Variants in EHBP1 observed in about 807,000 individuals in gnomAD.
EHBP1 encodes the protein EH domain binding protein 1, also known as EH domain-binding protein 1.
EHBP1 carries 55 observed loss-of-function variants against 144.0 expected under a neutral mutation model. That is an observed-to-expected ratio of 0.38 (90% CI 0.31 to 0.48). The LOEUF is 0.48. EHBP1 is among the 20% of genes least tolerant of loss of function. The pLI, the probability that EHBP1 is intolerant of heterozygous loss-of-function variation, is 0.98. For synonymous variants in EHBP1, 469 were observed against 472.7 expected (o/e 0.99, Z 0.10); for missense variants, 1,200 against 1,364.2 (o/e 0.88, Z 1.90).
chr2:62,945,931 CTG>C (rs1489664352), intron 12 of EHBP1, among the ~76,000 whole-genome samples: 1 of 152,154 alleles, frequency 6.6e-6, no homozygotes, highest in Non-Finnish European at 1.5e-5. Context: ...ACAAAGTAAA[CTG>C]TTCTCATGAA....
chr2:62,890,715 T>C (rs77450264), intron 10 of EHBP1, among the ~76,000 whole-genome samples: 6,087 of 152,290 alleles, frequency 0.04, 182 homozygotes, highest in Middle Eastern at 0.12. Flanking sequence ...CTCTCTCACA[T>C]AGTATTTGAA....
intron 5 of EHBP1, among the ~76,000 whole-genome samples, chr2:62,789,072 T>C (rs1009489696): frequency 6.6e-5 from 10 of 152,202 alleles, no homozygotes; most frequent in Non-Finnish European, 1.3e-4. Flanking sequence ...GTCACACCTA[T>C]GGAGACTAGA....
At position 62,937,304 on chromosome 2, in the gene EHBP1, C is replaced by G. The variant is rs187121940; in HGVS notation, c.1186-5414C>G. Among the ~76,000 whole-genome samples the G allele has an allele frequency of 7.2e-5, 11 of 152,304 alleles. No homozygotes were observed. In the East Asian group the frequency reaches 1.9e-3, roughly 27 times the overall value. ...GGAATTCCTTGGTATAGGAACTCCT[C>G]TGCTTCCTGAGTAACCTCACTTTCT... On this transcript the variant is annotated intron_variant, in intron 10 of 22. Coordinates refer to ENST00000431489, the MANE Select transcript of EHBP1 (RefSeq NM_001142616.3).
intron 2 of EHBP1, among the ~76,000 whole-genome samples, chr2:62,715,422 G>A (rs140179874): frequency 5.8e-3 from 876 of 151,290 alleles, no homozygotes; most frequent in Admixed American, 9.8e-3. Flanking sequence ...CCGAGTCACC[G>A]TGCCAAGCCA....
At chr2:62,684,991 GA>G (rs1295410408) in intron 1 of EHBP1, among the ~76,000 whole-genome samples, 1 of 152,206 alleles carries the variant, frequency 6.6e-6, no homozygotes, top group Non-Finnish European at 1.5e-5. Flanking sequence ...GCAGAGAGCA[GA>G]ACAGTGGTTA....
At chr2:62,938,086 A>G (rs2056503155) in intron 10 of EHBP1, among the ~76,000 whole-genome samples, 1 of 152,234 alleles carries the variant, frequency 6.6e-6, no homozygotes, top group East Asian at 1.9e-4. Flanking sequence ...TGATTCTGAC[A>G]TTAAAAATCT....
chr2:62,826,524 T>G (rs1381900331), intron 6 of EHBP1: 1 of 283,286 alleles, frequency 3.5e-6, no homozygotes, highest in Non-Finnish European at 6.5e-6. Context: ...ATATTATAAG[T>G]GTTTTATATT....
At chr2:62,975,933 CACATAT>C (rs1460942812) in intron 14 of EHBP1, among the ~76,000 whole-genome samples, 1 of 143,322 alleles carries the variant, frequency 7.0e-6, no homozygotes, top group Non-Finnish European at 1.6e-5. Context: ...CACACACACA[CACATAT>C]ATAGTAGAGC....
intron 10 of EHBP1, among the ~76,000 whole-genome samples, chr2:62,904,502 C>T (rs2053647670): frequency 6.6e-6 from 1 of 152,164 alleles, no homozygotes; most frequent in Non-Finnish European, 1.5e-5. Flanking sequence ...TAGGTGTCAG[C>T]CAGGACTGGA....
At position 62,863,449 on chromosome 2, in the gene EHBP1, A is replaced by G. The variant is rs991010772; in HGVS notation, c.758-1282A>G. On this transcript the variant is annotated intron_variant, in intron 8 of 22. Coordinates refer to ENST00000431489, the MANE Select transcript of EHBP1 (RefSeq NM_001142616.3). ...AGAGTGAAACTGTGTCTCAAAAAAA[A>G]ATAAAAATGAAAGCACCATTGTTTT... Among the ~76,000 whole-genome samples the G allele has an allele frequency of 3.9e-5, 6 of 152,364 alleles. No homozygotes were observed. In the South Asian group the frequency reaches 6.2e-4, roughly 16 times the overall value.
intron 13 of EHBP1, among the ~76,000 whole-genome samples, chr2:62,952,371 A>T (rs910244708): frequency 3.9e-5 from 6 of 152,170 alleles, no homozygotes; most frequent in South Asian, 2.1e-4. Flanking sequence ...TTTACATTTT[A>T]ACTTCTCCGA....
At chr2:62,816,046 G>A (rs928954385) in intron 5 of EHBP1, among the ~76,000 whole-genome samples, 2 of 151,892 alleles carry the variant, frequency 1.3e-5, no homozygotes, top group Non-Finnish European at 2.9e-5. Flanking sequence ...GTTGAGTTTC[G>A]GTATAAAATC....
chr2:62,867,005 T>A lies in EHBP1; in HGVS notation c.998+2034T>A, dbSNP rs970183025. On this transcript the variant is annotated intron_variant, in intron 9 of 22. Coordinates refer to ENST00000431489, the MANE Select transcript of EHBP1 (RefSeq NM_001142616.3). ...AAGGAAAAGTATAACAACAAAAACC[T>A]GTCAACATAATTTTCTATTCCCAGC... 2.0e-5 allele frequency among the ~76,000 whole-genome samples: 3 copies of A among 152,076 alleles called. No homozygotes were observed. The South Asian group carries it at 6.2e-4, about 32-fold the overall frequency.
At chr2:62,760,365 C>A (rs546127503) in intron 3 of EHBP1, among the ~76,000 whole-genome samples, 1 of 152,238 alleles carries the variant, frequency 6.6e-6, no homozygotes, top group African/African-American at 2.4e-5. Context: ...TCGGTTAGAC[C>A]TTTTTGTTGG....
rs79131469 is a variant in EHBP1 at position 62,874,035 on chromosome 2, G to A, written c.999-311G>A. 9.7e-3 allele frequency among the ~76,000 whole-genome samples: 1,475 copies of A among 152,082 alleles called. 14 individuals carry two copies. Among genetic ancestry groups the A allele is most frequent in the South Asian group, 0.024 (116 of 4,822 alleles). On this transcript the variant is annotated intron_variant, in intron 9 of 22. Transcript: ENST00000431489. ...TTTTACATCTTACTTCCTTTTCCTT[G>A]GATATGGAAAATATACACGATTTAC...
chr2:62,799,185 A>G (rs572865249), intron 5 of EHBP1, among the ~76,000 whole-genome samples: 2 of 152,276 alleles, frequency 1.3e-5, no homozygotes, highest in South Asian at 4.1e-4. Flanking sequence ...TAGATGTTCC[A>G]TACAAACCAT....
intron 1 of EHBP1, among the ~76,000 whole-genome samples, chr2:62,688,947 G>T (rs1023776761): frequency 1.3e-5 from 2 of 152,098 alleles, no homozygotes; most frequent in Non-Finnish European, 2.9e-5. Context: ...CTTCATGAAG[G>T]GTCCTGGTAT....
chr2:62,868,271 T>A (rs957548859), intron 9 of EHBP1, among the ~76,000 whole-genome samples: 1 of 151,984 alleles, frequency 6.6e-6, no homozygotes, highest in Non-Finnish European at 1.5e-5. Context: ...CCAAGCTACT[T>A]GGGAGGCTGA....
chr2:62,725,071 C>T lies in EHBP1; in HGVS notation c.104+17776C>T, dbSNP rs867026317. Among the ~76,000 whole-genome samples, 7 of 152,288 alleles carry T rather than the reference C, an allele frequency of 4.6e-5. No individual in the cohort carries two copies. In the South Asian group the frequency reaches 1.4e-3, roughly 32 times the overall value. On this transcript the variant is annotated intron_variant, in intron 2 of 22. Coordinates refer to ENST00000431489, the MANE Select transcript of EHBP1 (RefSeq NM_001142616.3). The stretch of plus-strand genomic sequence containing the variant: ...ATTTTAGGGGGCCAGTGCTCAGCTC[C>T]CAACTCCTGGACTGTGTGCTCTAAC...
Sources: gnomAD v4.1 joint callset for allele counts (sites outside exome capture counted in the v4.1 genomes callset) on GRCh38, gnomAD v4.1.1 for gene constraint, MANE v1.5 for transcripts, NCBI Gene and HGNC (gene_info 2026-07-23, HGNC 2026-07-21) for gene names.